The following GNPDA1 variants were observed in gnomAD, a reference collection of about 807,000 sequenced individuals.
GNPDA1 encodes GNPDA 1.
Under a neutral mutation model 28.5 loss-of-function variants are expected in GNPDA1, and 24 were observed. The ratio of observed to expected loss-of-function variants is 0.84; its 90% CI spans 0.61 to 1.19. GNPDA1 has a LOEUF of 1.19. Ranked by LOEUF, GNPDA1 falls within the 50% of genes most tolerant of loss-of-function variation. The pLI is 0.00. For missense variants in GNPDA1, 264 were observed against 367.3 expected (o/e 0.72, Z 2.30); for synonymous variants, 147 against 139.3 (o/e 1.06, Z -0.39).
chr5:142,008,150 C>T (rs1437628769), intron 2 of GNPDA1, among the ~76,000 whole-genome samples: 1 of 152,252 alleles, frequency 6.6e-6, no homozygotes, highest in Non-Finnish European at 1.5e-5. Context: ...CAGTATCCAG[C>T]ACACTGATGA....
intron 1 of GNPDA1, chr5:142,012,784 G>A (rs2127100728): frequency 1.6e-6 from 1 of 631,962 alleles, no homozygotes; most frequent in African/African-American, 2.0e-5. Context: ...GTGGGAGTGT[G>A]AAGGAAAGAG....
At position 142,006,334 on chromosome 5, in the gene GNPDA1, GCCGTGAGACAC is replaced by G; in HGVS notation, c.227-19_227-9del. On this transcript the variant is annotated splice_polypyrimidine_tract_variant and intron_variant, in intron 3 of 6. Coordinates refer to ENST00000311337, the MANE Select transcript of GNPDA1 (RefSeq NM_005471.5). ...GGTGGTCTCGAGGAAGGCCTGTGGG[GCCGTGAGACAC>G]TCGGTTATGCCTAGGCCAAGCCAAA... 1 of 1,608,060 alleles carries G rather than the reference GCCGTGAGACAC, an allele frequency of 6.2e-7. No individual in the cohort carries two copies. Among genetic ancestry groups the G allele is most frequent in the Non-Finnish European group, 8.5e-7 (1 of 1,176,022 alleles).
rs779534094 is a variant in GNPDA1 at position 142,006,160 on chromosome 5, G to C, written c.393C>G (p.Ile131Met). 4 of 1,613,158 alleles carry C rather than the reference G, an allele frequency of 2.5e-6. No individual in the cohort carries two copies. The highest frequency in any genetic ancestry group is 1.7e-4 in the Middle Eastern group (1 of 6,044). The stretch of plus-strand genomic sequence containing the variant: ...CAAGCTCACCTCCAACAAATAGCTC[G>C]ATCCCACCTGCAGCCTTGATCTTCT... ...FEEKIKAAGGIELFVGGIGPD... is the reference protein window; with the variant it reads ...FEEKIKAAGGMELFVGGIGPD... The change falls in exon 4 of 7, where the codon ATC becomes ATG. Residue 131 changes from isoleucine to methionine, a missense_variant. Ile to Met is a conservative substitution (Grantham distance 10). Transcript: ENST00000311337.
intron 6 of GNPDA1, among the ~76,000 whole-genome samples, chr5:142,002,684 G>C (rs1320279837): frequency 2.0e-5 from 3 of 152,150 alleles, no homozygotes; most frequent in African/African-American, 4.8e-5. Context: ...AGCCCGGGAG[G>C]TGGAGGTTGC....
rs745454185 is a variant in GNPDA1 at position 142,012,053 on chromosome 5, G to T, written c.-6-12C>A. 2 of 1,579,492 alleles carry T rather than the reference G, an allele frequency of 1.3e-6. No homozygotes were observed. The highest frequency in any genetic ancestry group is 1.1e-5 in the South Asian group (1 of 89,398). On this transcript the variant is annotated splice_polypyrimidine_tract_variant and intron_variant, in intron 1 of 6. Transcript: ENST00000311337. ...AGCTTCATCTTGTCCTGCAGTGGGG[G>T]AGAGGGGATGACAGAAAGGAATCAA...
In GNPDA1 at chr5:142,011,943, T is replaced by C; in HGVS notation, c.93A>G (p.Pro31=). ...GGAGCCCCAGGGTGAAGTACTTCTC[T>C]GGCCCTGGGTTAAACTGGATGATGC... ...RNRIIQFNPG[P]EKYFTLGLPT... is the part of the protein sequence containing the mutation. The change falls in exon 2 of 7, where the codon CCA becomes CCG. Residue 31 remains proline, a synonymous_variant. Transcript: ENST00000311337. 6.2e-7 allele frequency: 1 copy of C among 1,614,090 alleles called. No homozygotes were observed. The highest frequency in any genetic ancestry group is 1.6e-4 in the Middle Eastern group (1 of 6,062).
intron 1 of GNPDA1, chr5:142,012,683 C>G (rs1755992858): frequency 1.0e-6 from 1 of 954,416 alleles, no homozygotes; most frequent in Non-Finnish European, 1.2e-6. Flanking sequence ...CTTTGCGAAC[C>G]CCTCTGGGTC....
Position 142,000,945 on chromosome 5 carries a change from C to T in GNPDA1, c.*1084G>A, listed in dbSNP as rs1419544811. The T allele has an allele frequency of 6.6e-6, 1 of 152,556 alleles. No individual in the cohort carries two copies. Among genetic ancestry groups the T allele is most frequent in the Non-Finnish European group, 1.5e-5 (1 of 68,118 alleles). 9.5% of individuals were successfully genotyped at this position (152,556 alleles called of 1,614,324 possible). A position where few individuals can be genotyped will look rare whatever the true frequency, so the allele number is the denominator to read the frequency against. Reference sequence around the variant, plus strand: ...ATGAAAGGAAGCCAGAGCAACAGACCACCTTGGGATCCGGGGAGAAGGGTA... The same window carrying T: ...ATGAAAGGAAGCCAGAGCAACAGACTACCTTGGGATCCGGGGAGAAGGGTA... On this transcript the variant is annotated 3_prime_UTR_variant, in exon 7 of 7. Transcript: ENST00000311337.
At chr5:142,009,536 C>T (rs980909959) in intron 2 of GNPDA1, among the ~76,000 whole-genome samples, 1 of 152,132 alleles carries the variant, frequency 6.6e-6, no homozygotes, top group Non-Finnish European at 1.5e-5. Flanking sequence ...ATTGCTGTAT[C>T]CTTAGAGGCT....
intron 2 of GNPDA1, among the ~76,000 whole-genome samples, chr5:142,010,511 C>CT (rs749705822): frequency 0.11 from 5,133 of 46,774 alleles, 221 homozygotes; most frequent in African/African-American, 0.21. Context: ...TCTTTTCTTT[C>CT]TTTTTTTTTT....
At chr5:142,005,925 A>G (rs527472055) in intron 4 of GNPDA1, 81 of 466,570 alleles carry the variant, frequency 1.7e-4, no homozygotes, top group Non-Finnish European at 2.8e-4. Flanking sequence ...TCCAAACCCA[A>G]ACCTCTCAGT....
At chr5:142,011,770 G>A in intron 2 of GNPDA1, 142 bp downstream of exon 2, 1 of 836,046 alleles carries the variant, frequency 1.2e-6, no homozygotes, top group Non-Finnish European at 1.9e-6. Context: ...TTTGTATGTG[G>A]AAGGGGCAGG....
chr5:142,012,103 G>A, intron 1 of GNPDA1, 62 bp from the exon 2 acceptor site: 1 of 1,491,396 alleles, frequency 6.7e-7, no homozygotes, highest in Non-Finnish European at 9.2e-7. Flanking sequence ...GAAAGAGATG[G>A]AGGTGGTGGG....
intron 2 of GNPDA1, among the ~76,000 whole-genome samples, chr5:142,009,234 A>C (rs1418914819): frequency 1.3e-5 from 2 of 152,108 alleles, no homozygotes; most frequent in Non-Finnish European, 2.9e-5. Context: ...CATCGAGATT[A>C]CGTCATGTCA....
At chr5:142,012,354 G>A (rs1196117729) in intron 1 of GNPDA1, 1 of 230,528 alleles carries the variant, frequency 4.3e-6, no homozygotes, top group Non-Finnish European at 8.7e-6. Context: ...GTAAAAATTG[G>A]GACAATAGTA....
intron 1 of GNPDA1, chr5:142,012,525 C>A (rs891218296): frequency 1.9e-5 from 3 of 154,788 alleles, no homozygotes; most frequent in Non-Finnish European, 4.3e-5. Flanking sequence ...ACCCCCTCCC[C>A]GCCGTCTACC....
In GNPDA1 at chr5:142,007,822, G is replaced by T. The variant is rs1258865048; in HGVS notation, c.203C>A (p.Thr68Asn). The T allele has an allele frequency of 6.2e-7, 1 of 1,605,128 alleles. No homozygotes were observed. Among genetic ancestry groups the T allele is most frequent in the Non-Finnish European group, 8.5e-7 (1 of 1,172,014 alleles). The change falls in exon 3 of 7, where the codon ACC (threonine) becomes AAC (asparagine). Residue 68 changes from threonine to asparagine, a missense_variant. Physicochemically the swap from Thr to Asn is moderately conservative, Grantham distance 65. Coordinates refer to ENST00000311337, the MANE Select transcript of GNPDA1 (RefSeq NM_005471.5). ...NGDLSFKYVK[T>N]FNMDEYVGLP... The stretch of plus-strand genomic sequence containing the variant: ...ACCCACGTACTCATCCATGTTGAAG[G>T]TCTTCACATATTTAAAGGACAGGTC...
chr5:142,011,517 A>G (rs970975209), intron 2 of GNPDA1, among the ~76,000 whole-genome samples: 8 of 152,248 alleles, frequency 5.3e-5, no homozygotes, highest in Non-Finnish European at 8.8e-5. Context: ...TATCTTTTCA[A>G]TTCTCCCAAG....
intron 2 of GNPDA1, among the ~76,000 whole-genome samples, chr5:142,011,683 C>T (rs1263748087): frequency 6.6e-6 from 1 of 152,170 alleles, no homozygotes; most frequent in Non-Finnish European, 1.5e-5. Flanking sequence ...TTCTTCCTGC[C>T]AACCAAGATC....
Sources: gnomAD v4.1 joint callset for allele counts (sites outside exome capture counted in the v4.1 genomes callset) on GRCh38, gnomAD v4.1.1 for gene constraint, MANE v1.5 for transcripts, NCBI Gene and HGNC (gene_info 2026-07-23, HGNC 2026-07-21) for gene names.